MTERF4: variants seen among roughly 807,000 people sequenced by gnomAD.
MTERF4 encodes the protein mitochondrial transcription termination factor 4, also known as transcription termination factor 4, mitochondrial.
Under a neutral mutation model 22.5 loss-of-function variants are expected in MTERF4, and 17 were observed. The observed-to-expected ratio is 0.75, with a 90% confidence interval of 0.52 to 1.13. The LOEUF is 1.13. Among genes scored for constraint, MTERF4 ranks in the 50% most tolerant of loss-of-function variants. The pLI is 0.00. For synonymous variants in MTERF4, 165 were observed against 175.3 expected, an observed-to-expected ratio of 0.94 and a Z score of 0.47; for missense variants, 420 against 466.8, an observed-to-expected ratio of 0.90 and a Z score of 0.92.
At chr2:241,081,028 T>C (rs935096389) in intron 4 of MTERF4, among the ~76,000 whole-genome samples, 8 of 152,226 alleles carry the variant, frequency 5.3e-5, no homozygotes, top group Non-Finnish European at 1.2e-4. Flanking sequence ...GGGACTTTTT[T>C]CTGGGTTGGT....
chr2:241,053,675 C>A, the MTERF4 span, among the ~76,000 whole-genome samples: 2 of 152,178 alleles, frequency 1.3e-5, no homozygotes, highest in African/African-American at 4.8e-5. Flanking sequence ...TCAGGACCTA[C>A]CTCTTACTCC....
intron 4 of MTERF4, among the ~76,000 whole-genome samples, chr2:241,078,923 G>C (rs1202942826): frequency 6.6e-6 from 1 of 151,108 alleles, no homozygotes; most frequent in African/African-American, 2.4e-5. Flanking sequence ...AGACCAGCCT[G>C]GCCAACATAG....
At chr2:241,061,581 C>T in the MTERF4 span, among the ~76,000 whole-genome samples, 1 of 152,132 alleles carries the variant, frequency 6.6e-6, no homozygotes, top group Admixed American at 6.6e-5. Context: ...TACACAGCAA[C>T]ATTTTTTGTA....
the MTERF4 span, among the ~76,000 whole-genome samples, chr2:241,056,442 C>A: frequency 6.7e-6 from 1 of 149,676 alleles, no homozygotes; most frequent in East Asian, 2.0e-4. Flanking sequence ...ATAGGCTTAA[C>A]AAAATGGATA....
downstream of MTERF4, chr2:241,087,528 A>G (rs188319553): frequency 5.7e-4 from 885 of 1,554,272 alleles, 5 homozygotes; most frequent in Middle Eastern, 0.017. Context: ...CCACAGGGTG[A>G]TGGGGCAAGG....
intron 1 of MTERF4, among the ~76,000 whole-genome samples, chr2:241,101,383 C>T (rs191621199): frequency 6.6e-6 from 1 of 152,352 alleles, no homozygotes; most frequent in East Asian, 1.9e-4. Flanking sequence ...GTAATGCCAG[C>T]GAAGGGAGCG....
At position 241,073,265 on chromosome 2, in the gene MTERF4, G is replaced by C. The variant is rs2062831729; in HGVS notation, n.2897C>G. 1 of 1,555,058 alleles carries C rather than the reference G, an allele frequency of 6.4e-7. No individual in the cohort carries two copies. The highest frequency in any genetic ancestry group is 8.7e-7 in the Non-Finnish European group (1 of 1,149,720). On this transcript the variant is annotated non_coding_transcript_exon_variant, in exon 5 of 5. Coordinates refer to the MTERF4 transcript ENST00000464344. This position sits in a 1 kb window ranked among gnomAD's most constrained non-coding sequence, Gnocchi z 6.6. ...TGTGGTCACCGCCTGGCTTCTCCTAGAACCCACAGCCTCGGCGCAGCTCGA... is the reference window on the plus strand; with the variant it reads ...TGTGGTCACCGCCTGGCTTCTCCTACAACCCACAGCCTCGGCGCAGCTCGA...
the MTERF4 span, among the ~76,000 whole-genome samples, chr2:241,050,889 C>A: frequency 6.6e-6 from 1 of 152,232 alleles, no homozygotes. Context: ...TACCCAGTGT[C>A]CCTGCCCCAA....
chr2:241,049,736 A>G, the MTERF4 span: 1 of 1,010,518 alleles, frequency 9.9e-7, no homozygotes, highest in Admixed American at 1.8e-5. Context: ...TAACCCTGGC[A>G]GGCAAGGTGC....
At chr2:241,064,170 T>TG in the MTERF4 span, 1 of 1,339,722 alleles carries the variant, frequency 7.5e-7, no homozygotes. The surrounding 1 kb of genome is among the most constrained non-coding windows in gnomAD (Gnocchi z 7.0). Context: ...GCCCGCCTGC[T>TG]CCCCGCCCTC....
the MTERF4 span, among the ~76,000 whole-genome samples, chr2:241,060,225 C>G: frequency 6.6e-6 from 1 of 151,762 alleles, no homozygotes; most frequent in Non-Finnish European, 1.5e-5. Context: ...CACTCTTGCC[C>G]AGGCTGGAGT....
intron 3 of MTERF4, 153 bp downstream of exon 3, chr2:241,097,090 T>C: frequency 2.4e-6 from 2 of 844,560 alleles, no homozygotes; most frequent in Non-Finnish European, 3.7e-6. Flanking sequence ...TTCTTATCCA[T>C]ATAACTGACC....
rs908152362 is a variant in MTERF4, at chr2:241,073,846, T to A, written n.2316A>T. The stretch of plus-strand genomic sequence containing the variant: ...ATGCAGGACCTGAACTGTCTCCTAG[T>A]CCGGGGCTCTGCCTCGTGAGGATCG... On this transcript the variant is annotated non_coding_transcript_exon_variant, in exon 5 of 5. Transcript: ENST00000464344. This position sits in a 1 kb window ranked among gnomAD's most constrained non-coding sequence, Gnocchi z 6.6. 2 of 197,586 alleles carry A rather than the reference T, an allele frequency of 1.0e-5. No individual in the cohort carries two copies. The highest frequency in any genetic ancestry group is 4.6e-5 in the African/African-American group (2 of 43,230). The allele number at this position is 197,586 out of a possible 1,614,324, so 12.2% of individuals were successfully genotyped here. A position where few individuals can be genotyped will look rare whatever the true frequency, so the allele number is the denominator to read the frequency against.
At chr2:241,074,451 A>G (rs963460874) in exon 5 of MTERF4, 5 of 152,142 alleles carry the variant, frequency 3.3e-5, no homozygotes, top group African/African-American at 1.2e-4. Flanking sequence ...GTGAACTAAA[A>G]CAAACATTTC....
chr2:241,085,760 T>TAGTTTGA (rs2063539015), downstream of MTERF4, among the ~76,000 whole-genome samples: 1 of 152,124 alleles, frequency 6.6e-6, no homozygotes, highest in South Asian at 2.1e-4. Flanking sequence ...TATCTGAGTA[T>TAGTTTGA]AGTTTGATCC....
downstream of MTERF4, chr2:241,087,704 G>C (rs2063656739): frequency 5.9e-6 from 8 of 1,362,318 alleles, no homozygotes; most frequent in Non-Finnish European, 7.5e-6. Context: ...GTGCTGGGGG[G>C]GGTCACTCTG....
chr2:241,051,443 T>G, the MTERF4 span: 35 of 319,780 alleles, frequency 1.1e-4, no homozygotes, highest in Admixed American at 1.3e-3. The surrounding 1 kb of genome is among the most constrained non-coding windows in gnomAD (Gnocchi z 4.7). Flanking sequence ...CTGCGCCCGC[T>G]GCAGTGTTGG....
the MTERF4 span, chr2:241,063,940 T>A: frequency 8.5e-7 from 1 of 1,172,254 alleles, no homozygotes; most frequent in Non-Finnish European, 1.2e-6. Flanking sequence ...TTTCCCTTCT[T>A]CCCGCTGTCC....
At chr2:241,074,062 C>T (rs1322526885) in exon 5 of MTERF4, 1 of 152,380 alleles carries the variant, frequency 6.6e-6, no homozygotes, top group Non-Finnish European at 1.5e-5. Context: ...TCTCCTAGCA[C>T]CCGGTGACCT....
Sources: gnomAD v4.1 joint callset for allele counts (sites outside exome capture counted in the v4.1 genomes callset) on GRCh38, gnomAD v4.1.1 for gene constraint, Gnocchi (gnomAD v3.1) non-coding constraint, MANE v1.5 for transcripts, NCBI Gene and HGNC (gene_info 2026-07-23, HGNC 2026-07-21) for gene names.